TET3: variants seen among roughly 807,000 people sequenced by gnomAD.
TET3 encodes the protein tet methylcytosine dioxygenase 3, also known as methylcytosine dioxygenase TET3.
A neutral mutation model predicts 141.4 loss-of-function variants in TET3; 19 were observed. The ratio of observed to expected loss-of-function variants is 0.13; its 90% CI spans 0.09 to 0.20. The LOEUF (loss-of-function observed/expected upper bound fraction) is 0.20. Ranked by LOEUF, TET3 falls within the 10% of genes least tolerant of loss-of-function variation. The pLI is 1.00. For synonymous variants in TET3, 1,043 were observed against 980.9 expected, an observed-to-expected ratio of 1.06 and a Z score of -1.18; for missense variants, 1,874 against 2,356.9, an observed-to-expected ratio of 0.80 and a Z score of 4.24.
chr2:74,047,930 C>A lies in TET3; in HGVS notation c.2013C>A (p.Pro671=). 6.2e-7 allele frequency: 1 copy of A among 1,613,786 alleles called. No homozygotes were observed. The highest frequency in any genetic ancestry group is 8.5e-7 in the Non-Finnish European group (1 of 1,179,840). ...CTCTTGCGCTATTTGCACCTAGTCC[C>A]TCCAGGGACAGCCTGCTGCCCCCTA... ...EPSLALFAPS[P]SRDSLLPPTQ... The change falls in exon 4 of 12, where the codon CCC becomes CCA. Residue 671 remains proline, a synonymous_variant. Transcript: ENST00000409262.
chr2:74,025,471 T>A (rs910470130), intron 3 of TET3, among the ~76,000 whole-genome samples: 33 of 151,734 alleles, frequency 2.2e-4, no homozygotes, highest in Non-Finnish European at 3.7e-4. Flanking sequence ...GTATTTTCAG[T>A]AGAGACGGGG....
chr2:74,124,757 A>G, the TET3 span, among the ~76,000 whole-genome samples: 29 of 152,114 alleles, frequency 1.9e-4, no homozygotes, highest in African/African-American at 5.5e-4. Context: ...ACCACTCCCT[A>G]ATCTCAAGTA....
intron 4 of TET3, among the ~76,000 whole-genome samples, chr2:74,066,606 A>G (rs1384822941): frequency 6.6e-6 from 1 of 152,140 alleles, no homozygotes. Context: ...AACTGCTTTT[A>G]AGAGACTCCT....
chr2:74,097,414 A>G (rs1335582817), intron 10 of TET3, among the ~76,000 whole-genome samples: 1 of 152,238 alleles, frequency 6.6e-6, no homozygotes, highest in Non-Finnish European at 1.5e-5. Flanking sequence ...AAACTCGCAA[A>G]AGAAGGAAGA....
chr2:74,013,314 A>G (rs773599746), intron 3 of TET3, among the ~76,000 whole-genome samples: 49 of 151,880 alleles, frequency 3.2e-4, no homozygotes, highest in Admixed American at 1.5e-3. Flanking sequence ...TTTTTTTAAC[A>G]TGCTGTTTGA....
Position 74,047,919 on chromosome 2 carries a change from G to C in TET3, c.2002G>C (p.Ala668Pro), listed in dbSNP as rs1474299176. The C allele has an allele frequency of 6.2e-7, 1 of 1,613,576 alleles. No individual in the cohort carries two copies. The highest frequency in any genetic ancestry group is 8.5e-7 in the Non-Finnish European group (1 of 1,179,790). ...CCCAGAACCTTCTCTTGCGCTATTT[G>C]CACCTAGTCCCTCCAGGGACAGCCT... ...LPPEPSLALF[A>P]PSPSRDSLLP... The change falls in exon 4 of 12, where the codon GCA (alanine) becomes CCA (proline). Residue 668 changes from alanine (A) to proline (P), a missense_variant. By Grantham distance (27) the Ala-to-Pro change is conservative. Transcript: ENST00000409262.
intron 3 of TET3, among the ~76,000 whole-genome samples, chr2:74,012,833 TGAA>T (rs140767955): frequency 0.017 from 2,539 of 152,300 alleles, 66 homozygotes; most frequent in African/African-American, 0.057. Context: ...TATATCATGT[TGAA>T]GAAATGGTTT....
At position 74,092,894 on chromosome 2, in the gene TET3, C is replaced by T. The variant is rs912764133; in HGVS notation, c.3040-8C>T. 3.2e-6 allele frequency: 5 copies of T among 1,580,732 alleles called. No homozygotes were observed. The highest frequency in any genetic ancestry group is 3.6e-5 in the Admixed American group (2 of 55,234). ...GCTCTGGATGTGTGACTGCCCCTCTCTCTGCAGGAAGAAGTGCTCCGGAAG... is the reference window on the plus strand; with the variant it reads ...GCTCTGGATGTGTGACTGCCCCTCTTTCTGCAGGAAGAAGTGCTCCGGAAG... On this transcript the variant is annotated splice_region_variant and splice_polypyrimidine_tract_variant and intron_variant, in intron 8 of 11. Transcript: ENST00000409262.
At position 74,090,147 on chromosome 2, in the gene TET3, C is replaced by T. The variant is rs150687958; in HGVS notation, c.3039+100C>T. The T allele has an allele frequency of 6.6e-6, 10 of 1,510,268 alleles. No homozygotes were observed. In the East Asian group the frequency reaches 2.3e-4, roughly 34 times the overall value. The allele number at this position is 1,510,268 out of a possible 1,614,324, so 93.6% of individuals were successfully genotyped here. The stretch of plus-strand genomic sequence containing the variant: ...GTACTGGCACGCCATGACTCAGATG[C>T]ACAGGAAGTGGAACTTGTTTTCGTT... On this transcript the variant is annotated intron_variant, in intron 8 of 11. Coordinates refer to ENST00000409262, the MANE Select transcript of TET3 (RefSeq NM_001287491.2).
At chr2:74,134,591 T>G in the TET3 span, 1 of 418,398 alleles carries the variant, frequency 2.4e-6, no homozygotes, top group Non-Finnish European at 4.9e-6. Context: ...GAGAGAGGAG[T>G]GGATGGTCAA....
chr2:74,054,909 T>G (rs1159280816), intron 4 of TET3, among the ~76,000 whole-genome samples: 1 of 152,112 alleles, frequency 6.6e-6, no homozygotes, highest in South Asian at 2.1e-4. Context: ...GTTGTTGTTG[T>G]TTTTGAGATG....
intron 2 of TET3, among the ~76,000 whole-genome samples, chr2:74,002,107 G>GTA (rs1684877955): frequency 6.6e-6 from 1 of 152,160 alleles, no homozygotes; most frequent in South Asian, 2.1e-4. Flanking sequence ...GCTGTTAAGA[G>GTA]TATGGTCTTC....
chr2:74,124,231 C>T, the TET3 span, among the ~76,000 whole-genome samples: 375 of 145,962 alleles, frequency 2.6e-3, no homozygotes, highest in Admixed American at 4.3e-3. Context: ...GGTCAGCCCC[C>T]GCCCAGCCAG....
At chr2:73,997,914 C>G (rs1217242436) in intron 2 of TET3, among the ~76,000 whole-genome samples, 1 of 152,164 alleles carries the variant, frequency 6.6e-6, no homozygotes, top group Non-Finnish European at 1.5e-5. Context: ...CAGAGACTGG[C>G]CTTAGTCACC....
At chr2:74,081,788 T>C (rs1171816636) in intron 6 of TET3, among the ~76,000 whole-genome samples, 1 of 152,252 alleles carries the variant, frequency 6.6e-6, no homozygotes, top group Non-Finnish European at 1.5e-5. Flanking sequence ...TCTTTGTGTT[T>C]GGTGAAAATA....
intron 10 of TET3, among the ~76,000 whole-genome samples, chr2:74,097,195 G>A (rs1340765702): frequency 5.1e-5 from 7 of 138,022 alleles, no homozygotes; most frequent in South Asian, 2.5e-4. Context: ...AGCCATACAT[G>A]CACACACACA....
intron 6 of TET3, among the ~76,000 whole-genome samples, chr2:74,086,791 T>TAAAAAAAAA (rs33942081): frequency 1.1e-5 from 1 of 94,052 alleles, no homozygotes; most frequent in African/African-American, 4.2e-5. Flanking sequence ...ACCCTGACTC[T>TAAAAAAAAA]AAAAAAAAAA....
At chr2:73,987,218 C>T (rs1684076904) in intron 2 of TET3, among the ~76,000 whole-genome samples, 1 of 152,142 alleles carries the variant, frequency 6.6e-6, no homozygotes, top group African/African-American at 2.4e-5. Context: ...TAGTGACGAA[C>T]TGATGTTTTG....
chr2:74,132,363 C>T, the TET3 span, among the ~76,000 whole-genome samples: 2 of 152,242 alleles, frequency 1.3e-5, no homozygotes, highest in South Asian at 2.1e-4. Context: ...AAACAGAGGC[C>T]GTCCTGGGGA....
Sources: gnomAD v4.1 joint callset for allele counts (sites outside exome capture counted in the v4.1 genomes callset) on GRCh38, gnomAD v4.1.1 for gene constraint, MANE v1.5 for transcripts, NCBI Gene and HGNC (gene_info 2026-07-23, HGNC 2026-07-21) for gene names.